The following TNIK variants were observed in gnomAD, a reference collection of about 807,000 sequenced individuals.
TNIK encodes TRAF2 and NCK-interacting protein kinase.
A neutral mutation model predicts 191.3 loss-of-function variants in TNIK; 49 were observed. The ratio of observed to expected loss-of-function variants is 0.26; its 90% CI spans 0.20 to 0.32. The LOEUF (loss-of-function observed/expected upper bound fraction) is 0.32, where lower values mean the gene tolerates loss of function less well. TNIK is among the 10% of genes least tolerant of loss of function. The pLI is 1.00. For missense variants in TNIK, 1,155 were observed against 1,702.3 expected, an observed-to-expected ratio of 0.68 and a Z score of 5.66; for synonymous variants, 594 against 600.9, an observed-to-expected ratio of 0.99 and a Z score of 0.17.
chr3:171,253,374 GTCTCTGATTTCAGGCACCCCTCAC>G (rs894120303), intron 2 of TNIK, among the ~76,000 whole-genome samples: 2 of 151,956 alleles, frequency 1.3e-5, no homozygotes, highest in Non-Finnish European at 2.9e-5. Context: ...GGTGCGAAAG[GTCTCTGATTTCAGGCACCCCTCAC>G]TCTGGCTTAA....
intron 2 of TNIK, among the ~76,000 whole-genome samples, chr3:171,339,779 A>G (rs765741568): frequency 1.3e-5 from 2 of 152,198 alleles, no homozygotes; most frequent in Non-Finnish European, 1.5e-5. Context: ...CTGTTGCTGT[A>G]ATTTTCAGAT....
intron 10 of TNIK, among the ~76,000 whole-genome samples, chr3:171,165,776 C>G (rs974402797): frequency 2.0e-5 from 3 of 152,172 alleles, no homozygotes; most frequent in African/African-American, 7.2e-5. Context: ...ACTCACCACA[C>G]TGTTAATGCT....
At chr3:171,140,557 G>T (rs776233433) in intron 12 of TNIK, 48 bp from the exon 13 acceptor site, 4 of 1,571,212 alleles carry the variant, frequency 2.5e-6, no homozygotes, top group Middle Eastern at 1.7e-4. Context: ...GCCCCGGTGG[G>T]GGGTGTCAGG....
intron 1 of TNIK, among the ~76,000 whole-genome samples, chr3:171,380,202 T>G (rs575494033): frequency 5.3e-5 from 8 of 152,278 alleles, no homozygotes; most frequent in African/African-American, 1.9e-4. Context: ...TACAAAGATT[T>G]GCAAACATGG....
chr3:171,267,045 G>T (rs1403281666), intron 2 of TNIK, among the ~76,000 whole-genome samples: 5 of 152,108 alleles, frequency 3.3e-5, no homozygotes, highest in Non-Finnish European at 4.4e-5. Context: ...TAAGAAACTG[G>T]CACAGATAAA....
intron 1 of TNIK, among the ~76,000 whole-genome samples, chr3:171,408,271 C>T (rs996800228): frequency 1.3e-5 from 2 of 151,854 alleles, no homozygotes; most frequent in African/African-American, 4.8e-5. Flanking sequence ...TTTTCCCCCG[C>T]TCAATCTGGA....
chr3:171,293,857 A>T, intron 2 of TNIK, among the ~76,000 whole-genome samples: 1 of 152,192 alleles, frequency 6.6e-6, no homozygotes, highest in Non-Finnish European at 1.5e-5. Context: ...ATGTGGGAAG[A>T]TTGCTTGAGA....
At chr3:171,296,594 G>A (rs1752312596) in intron 2 of TNIK, among the ~76,000 whole-genome samples, 1 of 152,144 alleles carries the variant, frequency 6.6e-6, no homozygotes, top group South Asian at 2.1e-4. Context: ...ATGAGATTTG[G>A]AGCAAGTTAC....
chr3:171,245,750 TCA>T (rs1382813631), intron 2 of TNIK, among the ~76,000 whole-genome samples: 1 of 152,340 alleles, frequency 6.6e-6, no homozygotes, highest in Admixed American at 6.5e-5. Context: ...AAGAATTTAC[TCA>T]CTACTGAATG....
At chr3:171,376,175 AG>A (rs1717187871) in intron 1 of TNIK, among the ~76,000 whole-genome samples, 1 of 152,244 alleles carries the variant, frequency 6.6e-6, no homozygotes, top group African/African-American at 2.4e-5. Flanking sequence ...CAAAGAAAAC[AG>A]GAACAGTAGG....
At chr3:171,443,643 C>A (rs1727117079) in intron 1 of TNIK, among the ~76,000 whole-genome samples, 1 of 150,992 alleles carries the variant, frequency 6.6e-6, no homozygotes, top group South Asian at 2.1e-4. Context: ...ATAGGGAGAC[C>A]CCCCATCTCT....
At chr3:171,233,951 G>A (rs1419769446) in intron 2 of TNIK, among the ~76,000 whole-genome samples, 1 of 152,158 alleles carries the variant, frequency 6.6e-6, no homozygotes, top group African/African-American at 2.4e-5. Context: ...TAAAAACCTG[G>A]AAGATGATTT....
intron 1 of TNIK, among the ~76,000 whole-genome samples, chr3:171,380,784 G>A (rs186093273): frequency 1.6e-3 from 237 of 152,376 alleles, no homozygotes; most frequent in Admixed American, 3.5e-3. Flanking sequence ...TTCGGCCAAG[G>A]GCCCAGGACT....
intron 24 of TNIK, 124 bp downstream of exon 24, chr3:171,087,218 A>G (rs1721477266): frequency 7.2e-7 from 1 of 1,379,662 alleles, no homozygotes; most frequent in Non-Finnish European, 9.8e-7. Flanking sequence ...AAGTAGCTCT[A>G]TGGTAGAAAC....
At chr3:171,119,078 A>C (rs548138453) in intron 18 of TNIK, among the ~76,000 whole-genome samples, 1 of 152,162 alleles carries the variant, frequency 6.6e-6, no homozygotes, top group Non-Finnish European at 1.5e-5. Context: ...GAATCTACAA[A>C]GAACTCAAAC....
intron 1 of TNIK, among the ~76,000 whole-genome samples, chr3:171,457,039 C>T (rs942267045): frequency 2.0e-5 from 3 of 152,178 alleles, no homozygotes; most frequent in Non-Finnish European, 4.4e-5. Context: ...ATTCTCTTTC[C>T]AGCTCTGAAT....
intron 16 of TNIK, among the ~76,000 whole-genome samples, 190 bp from the exon 17 acceptor site, chr3:171,126,341 G>C (rs990756487): frequency 2.6e-5 from 4 of 152,168 alleles, no homozygotes; most frequent in Non-Finnish European, 1.5e-5. Context: ...ACGATATGTA[G>C]GGTTGGCACA....
chr3:171,263,107 A>G (rs938709876), intron 2 of TNIK, among the ~76,000 whole-genome samples: 1 of 152,224 alleles, frequency 6.6e-6, no homozygotes, highest in Admixed American at 6.5e-5. Context: ...AAAATTCACC[A>G]GGCTATTCCC....
chr3:171,393,203 G>A (rs1005508828), intron 1 of TNIK, among the ~76,000 whole-genome samples: 1 of 152,218 alleles, frequency 6.6e-6, no homozygotes, highest in Non-Finnish European at 1.5e-5. Context: ...GCCTGTAGAA[G>A]TGCCCCCAAA....
Sources: gnomAD v4.1 joint callset for allele counts (sites outside exome capture counted in the v4.1 genomes callset) on GRCh38, gnomAD v4.1.1 for gene constraint, MANE v1.5 for transcripts, NCBI Gene and HGNC (gene_info 2026-07-23, HGNC 2026-07-21) for gene names.